The following SFTPD variants were observed in gnomAD, a reference collection of about 807,000 sequenced individuals.
SFTPD encodes the protein pulmonary surfactant-associated protein D.
A neutral mutation model predicts 34.6 loss-of-function variants in SFTPD; 18 were observed. That is an observed-to-expected ratio of 0.52 (90% CI 0.36 to 0.77). The LOEUF (loss-of-function observed/expected upper bound fraction) is 0.77. Ranked by LOEUF, SFTPD falls within the 30% of genes least tolerant of loss-of-function variation. The pLI, the probability that SFTPD is intolerant of heterozygous loss-of-function variation, is 0.00. For synonymous variants in SFTPD, 155 were observed against 180.9 expected, an observed-to-expected ratio of 0.86 and a Z score of 1.15; for missense variants, 433 against 468.9, an observed-to-expected ratio of 0.92 and a Z score of 0.71.
At chr10:79,947,978 C>A (rs1431656754) in intron 1 of SFTPD, among the ~76,000 whole-genome samples, 1 of 152,230 alleles carries the variant, frequency 6.6e-6, no homozygotes, top group Non-Finnish European at 1.5e-5. Context: ...AAGGGGTCAC[C>A]AGGCCAACTG....
At chr10:79,953,891 A>T (rs1842724876), upstream of SFTPD, among the ~76,000 whole-genome samples, 1 of 151,458 alleles carries the variant, frequency 6.6e-6, no homozygotes, top group Non-Finnish European at 1.5e-5. Context: ...ATTTCAAATG[A>T]CCTGTCTATG....
chr10:79,958,643 G>T, intron 1 of SFTPD, among the ~76,000 whole-genome samples: 1 of 152,240 alleles, frequency 6.6e-6, no homozygotes, highest in East Asian at 1.9e-4. Context: ...GATTCATAAA[G>T]CAAGTCCTTA....
intron 1 of SFTPD, among the ~76,000 whole-genome samples, chr10:79,980,158 C>G (rs1452835596): frequency 6.6e-6 from 1 of 152,166 alleles, no homozygotes; most frequent in Non-Finnish European, 1.5e-5. Flanking sequence ...GGATGAGACT[C>G]AGTACCTTGC....
intron 1 of SFTPD, among the ~76,000 whole-genome samples, chr10:79,963,287 G>A (rs1212359333): frequency 1.3e-5 from 2 of 151,664 alleles, no homozygotes; most frequent in Non-Finnish European, 2.9e-5. Flanking sequence ...GGAGTTCAAG[G>A]CTGCAGTGAG....
chr10:79,942,163 G>A, intron 4 of SFTPD, 93 bp from the exon 5 acceptor site: 1 of 913,980 alleles, frequency 1.1e-6, no homozygotes, highest in Non-Finnish European at 1.7e-6. Context: ...CGCAACTTTA[G>A]GGTCAGAGAG....
chr10:79,966,673 A>T (rs2132518354), intron 1 of SFTPD, among the ~76,000 whole-genome samples: 1 of 146,400 alleles, frequency 6.8e-6, no homozygotes, highest in East Asian at 2.5e-4. Flanking sequence ...CTATGTCCTG[A>T]ATGGTAATGC....
intron 1 of SFTPD, 135 bp from the exon 2 acceptor site, chr10:79,946,797 A>G: frequency 2.6e-6 from 2 of 780,592 alleles, no homozygotes; most frequent in Non-Finnish European, 4.1e-6. Flanking sequence ...CTAGAGCAGC[A>G]GGAATCCAAA....
intron 1 of SFTPD, among the ~76,000 whole-genome samples, chr10:79,960,814 C>A (rs939078505): frequency 2.0e-5 from 3 of 152,070 alleles, no homozygotes; most frequent in Non-Finnish European, 4.4e-5. Flanking sequence ...TCATATGGAA[C>A]CAAAAAAGAG....
rs1842576775 is a variant in SFTPD, at chr10:79,938,203, A to T, written c.777T>A (p.Ser259Arg). The T allele has an allele frequency of 3.1e-6, 5 of 1,597,300 alleles. No homozygotes were observed. In the East Asian group the frequency reaches 1.1e-4, roughly 36 times the overall value. The change falls in exon 8 of 8, where the codon AGT becomes AGA. Residue 259 changes from serine (S) to arginine (R), a missense_variant. Coordinates refer to ENST00000372292, the MANE Select transcript of SFTPD (RefSeq NM_003019.5). ...KKVELFPNGQ[S>R]VGEKIFKTAG... ...CTGTCTTGAAAATCTTCTCCCCGACACTTTGGCCATTTGGGAAGAGCTCAA... is the reference window on the plus strand; with the variant it reads ...CTGTCTTGAAAATCTTCTCCCCGACTCTTTGGCCATTTGGGAAGAGCTCAA...
chr10:79,950,777 C>T (rs1341799247), upstream of SFTPD: 1 of 152,100 alleles, frequency 6.6e-6, no homozygotes, highest in Non-Finnish European at 1.5e-5. Flanking sequence ...ATAGGTTTTC[C>T]AAGCTTTTAA....
chr10:79,957,869 TGAAG>T, intron 1 of SFTPD, among the ~76,000 whole-genome samples: 1 of 152,112 alleles, frequency 6.6e-6, no homozygotes, highest in South Asian at 2.1e-4. Flanking sequence ...AAAGTTGAAA[TGAAG>T]GAAAAAATGT....
chr10:79,956,507 C>T (rs887638706), intron 1 of SFTPD, among the ~76,000 whole-genome samples: 8 of 152,228 alleles, frequency 5.3e-5, no homozygotes, highest in South Asian at 4.1e-4. Context: ...GATTATATCC[C>T]GCACCTGGCT....
At chr10:79,949,782 T>A (rs756370430), upstream of SFTPD, among the ~76,000 whole-genome samples, 2 of 152,214 alleles carry the variant, frequency 1.3e-5, no homozygotes, top group Non-Finnish European at 2.9e-5. Context: ...GGTGTTTGTC[T>A]TGTGCACTGT....
At chr10:79,971,322 T>A (rs139315394) in intron 1 of SFTPD, 113 of 152,248 alleles carry the variant, frequency 7.4e-4, no homozygotes, top group African/African-American at 2.5e-3. Context: ...ATGGTTTTCT[T>A]TTTTTGTTGT....
chr10:79,961,134 C>CA (rs1842770046), intron 1 of SFTPD, among the ~76,000 whole-genome samples: 1 of 152,152 alleles, frequency 6.6e-6, no homozygotes, highest in African/African-American at 2.4e-5. Flanking sequence ...ACACCTTATA[C>CA]AAAAATTAAT....
chr10:79,940,439 C>T (rs1011879983), intron 7 of SFTPD, among the ~76,000 whole-genome samples: 1 of 152,222 alleles, frequency 6.6e-6, no homozygotes, highest in Admixed American at 6.5e-5. Context: ...GCCACATCCT[C>T]CTCCTTTGCC....
chr10:79,953,486 T>C (rs1270583541), upstream of SFTPD, among the ~76,000 whole-genome samples: 1 of 151,966 alleles, frequency 6.6e-6, no homozygotes, highest in Non-Finnish European at 1.5e-5. Context: ...TCTGCAGGGT[T>C]TCCACTGAGA....
intron 1 of SFTPD, among the ~76,000 whole-genome samples, chr10:79,957,942 A>G (rs1258020255): frequency 1.3e-5 from 2 of 152,264 alleles, no homozygotes; most frequent in Admixed American, 6.5e-5. Context: ...TCAGACCAAC[A>G]GTGGATCTCT....
intron 1 of SFTPD, among the ~76,000 whole-genome samples, chr10:79,956,546 C>T (rs1286358633): frequency 6.6e-6 from 1 of 152,270 alleles, no homozygotes; most frequent in African/African-American, 2.4e-5. Flanking sequence ...CGGAGTCTCG[C>T]TGATTGCTAG....
Sources: gnomAD v4.1 joint callset for allele counts (sites outside exome capture counted in the v4.1 genomes callset) on GRCh38, gnomAD v4.1.1 for gene constraint, MANE v1.5 for transcripts, NCBI Gene and HGNC (gene_info 2026-07-23, HGNC 2026-07-21) for gene names.